Variants in MATN2 observed in about 807,000 individuals in gnomAD.
MATN2 encodes the protein matrilin-2.
In MATN2, 69 loss-of-function variants were observed where a neutral mutation model predicts 103.2. The observed-to-expected ratio is 0.67, with a 90% CI of 0.55 to 0.82. The LOEUF (loss-of-function observed/expected upper bound fraction) is 0.82, where lower values mean the gene tolerates loss of function less well. Among genes scored for constraint, MATN2 ranks in the 40% least tolerant of loss-of-function variants. The pLI is 0.00. For missense variants in MATN2, 1,023 were observed against 1,211.5 expected (o/e 0.84, Z 2.31); for synonymous variants, 429 against 450.2 (o/e 0.95, Z 0.60).
chr8:97,912,562 C>T (rs1809483518), intron 2 of MATN2, among the ~76,000 whole-genome samples: 1 of 152,092 alleles, frequency 6.6e-6, no homozygotes, highest in African/African-American at 2.4e-5. Flanking sequence ...TCAAAGTGTA[C>T]AGAGTTTCCA....
At chr8:97,877,688 A>G (rs1818122507) in intron 1 of MATN2, among the ~76,000 whole-genome samples, 1 of 152,148 alleles carries the variant, frequency 6.6e-6, no homozygotes, top group Non-Finnish European at 1.5e-5. Flanking sequence ...TTCCACCTGC[A>G]GAAATTCAGG....
intron 2 of MATN2, among the ~76,000 whole-genome samples, chr8:97,927,715 T>C (rs1810032880): frequency 6.6e-6 from 1 of 152,206 alleles, no homozygotes; most frequent in South Asian, 2.1e-4. Flanking sequence ...TGTGCAGGTG[T>C]TGTGGAAACT....
chr8:97,966,029 TG>T (rs1397055516), intron 5 of MATN2, among the ~76,000 whole-genome samples: 1 of 151,438 alleles, frequency 6.6e-6, no homozygotes, highest in Non-Finnish European at 1.5e-5. Context: ...GTGCACATGC[TG>T]GTGGTCACAG....
At chr8:97,928,889 G>A (rs879522910) in intron 2 of MATN2, among the ~76,000 whole-genome samples, 5 of 152,160 alleles carry the variant, frequency 3.3e-5, no homozygotes, top group African/African-American at 1.2e-4. Context: ...GTGCTCCCAT[G>A]TTCTCATCTA....
At chr8:97,993,723 C>T (rs1160303359) in intron 6 of MATN2, among the ~76,000 whole-genome samples, 1 of 152,074 alleles carries the variant, frequency 6.6e-6, no homozygotes, top group Non-Finnish European at 1.5e-5. Context: ...ACTCCTAGGC[C>T]TTATTTTTCC....
At chr8:98,026,281 G>A (rs1365349156) in intron 13 of MATN2, among the ~76,000 whole-genome samples, 1 of 145,064 alleles carries the variant, frequency 6.9e-6, no homozygotes, top group African/African-American at 2.5e-5. Flanking sequence ...ACGGAGAGAT[G>A]CAGGGTCTTG....
chr8:97,946,727 G>A (rs1308649406), intron 4 of MATN2, among the ~76,000 whole-genome samples: 1 of 152,168 alleles, frequency 6.6e-6, no homozygotes, highest in African/African-American at 2.4e-5. Flanking sequence ...GGCAGAAAAT[G>A]TAGACTTTCT....
intron 7 of MATN2, among the ~76,000 whole-genome samples, chr8:97,995,229 C>G (rs975172117): frequency 6.6e-6 from 1 of 152,168 alleles, no homozygotes. Flanking sequence ...CTAGAATGGA[C>G]GGCCCACAAG....
intron 2 of MATN2, among the ~76,000 whole-genome samples, chr8:97,915,348 C>T (rs1028263173): frequency 6.6e-6 from 1 of 152,118 alleles, no homozygotes; most frequent in African/African-American, 2.4e-5. Flanking sequence ...GTTGTAAGCT[C>T]CTCCCAGGCT....
chr8:97,928,278 G>A (rs1312176014), intron 2 of MATN2, among the ~76,000 whole-genome samples: 2 of 141,206 alleles, frequency 1.4e-5, no homozygotes, highest in African/African-American at 2.6e-5. Flanking sequence ...CTGGGCTGGA[G>A]TGCAGTGGCG....
intron 2 of MATN2, among the ~76,000 whole-genome samples, chr8:97,918,155 G>A (rs192524093): frequency 1.2e-3 from 187 of 152,272 alleles, no homozygotes; most frequent in Middle Eastern, 3.4e-3. Flanking sequence ...AATCTCTAGC[G>A]ACCGTTCAGT....
chr8:97,996,384 GT>G (rs916791993), intron 7 of MATN2, among the ~76,000 whole-genome samples: 14 of 152,136 alleles, frequency 9.2e-5, no homozygotes, highest in Admixed American at 9.2e-4. Context: ...GGGAGTGACC[GT>G]TTTGGAGTGG....
chr8:97,950,039 A>C (rs1810891013), intron 4 of MATN2, among the ~76,000 whole-genome samples: 1 of 152,186 alleles, frequency 6.6e-6, no homozygotes, highest in Non-Finnish European at 1.5e-5. Flanking sequence ...ATTACAAAGC[A>C]GCATCAGGAA....
intron 3 of MATN2, among the ~76,000 whole-genome samples, chr8:97,940,581 A>G (rs950882638): frequency 3.3e-5 from 5 of 152,248 alleles, no homozygotes; most frequent in Non-Finnish European, 5.9e-5. Context: ...ATTTAATCAC[A>G]GCTGAGTTTT....
In MATN2 at chr8:98,035,717, T is replaced by C. The variant is rs764305652; in HGVS notation, c.*5T>C. ...AATCGCCTGAGATACAGATGAAGAT[T>C]AGAAATCGCGACACATTTGTAGTCA... On this transcript the variant is annotated 3_prime_UTR_variant, in exon 19 of 19. Transcript: ENST00000254898. The C allele has an allele frequency of 6.3e-7, 1 of 1,592,576 alleles. No individual in the cohort carries two copies. Among genetic ancestry groups the C allele is most frequent in the South Asian group, 1.1e-5 (1 of 88,184 alleles).
chr8:98,030,671 T>G (rs1813983498), intron 15 of MATN2, 57 bp downstream of exon 15: 13 of 1,555,814 alleles, frequency 8.4e-6, no homozygotes, highest in African/African-American at 6.9e-5. Context: ...CTCCTTTTTT[T>G]TTGTTTTTTG....
At chr8:97,917,756 A>G (rs1422732779) in intron 2 of MATN2, among the ~76,000 whole-genome samples, 2 of 152,110 alleles carry the variant, frequency 1.3e-5, no homozygotes, top group Non-Finnish European at 1.5e-5. Flanking sequence ...TATTCTCTAT[A>G]TATCTTTATT....
intron 13 of MATN2, chr8:98,025,417 A>G (rs1039832230): frequency 1.1e-5 from 2 of 190,094 alleles, no homozygotes; most frequent in African/African-American, 4.8e-5. Flanking sequence ...CTTGATATAT[A>G]AAACAGAATG....
At chr8:97,884,552 A>T (rs1342862280) in intron 1 of MATN2, among the ~76,000 whole-genome samples, 1 of 152,118 alleles carries the variant, frequency 6.6e-6, no homozygotes, top group East Asian at 1.9e-4. Context: ...TGGGAAGCTG[A>T]GGTGAGTGAG....
Sources: allele counts gnomAD v4.1 joint callset (sites outside exome capture counted in the v4.1 genomes callset), GRCh38; gene constraint gnomAD v4.1.1; transcripts MANE v1.5; gene names NCBI Gene and HGNC (gene_info 2026-07-23, HGNC 2026-07-21).